MAML2: variants seen among roughly 807,000 people sequenced by gnomAD.
The protein encoded by MAML2 is mastermind-like protein 2.
MAML2 carries 22 observed loss-of-function variants against 96.1 expected under a neutral mutation model. That is an observed-to-expected ratio of 0.23 (90% CI 0.16 to 0.33). MAML2 has a LOEUF of 0.33. Ranked by LOEUF, MAML2 falls within the 10% of genes least tolerant of loss-of-function variation. The pLI, the probability that MAML2 is intolerant of heterozygous loss-of-function variation, is 1.00. For synonymous variants in MAML2, 561 were observed against 521.3 expected, an observed-to-expected ratio of 1.08 and a Z score of -1.04; for missense variants, 1,367 against 1,392.4, an observed-to-expected ratio of 0.98 and a Z score of 0.29.
At chr11:96,037,520 A>G (rs561694851) in intron 2 of MAML2, among the ~76,000 whole-genome samples, 1 of 152,310 alleles carries the variant, frequency 6.6e-6, no homozygotes, top group South Asian at 2.1e-4. Context: ...GTGACCATGG[A>G]AAACTAATAA....
intron 1 of MAML2, among the ~76,000 whole-genome samples, chr11:96,252,373 T>C (rs1862593361): frequency 6.6e-6 from 1 of 152,004 alleles, no homozygotes; most frequent in Non-Finnish European, 1.5e-5. Flanking sequence ...AGCAAACCCT[T>C]ATGTGATGTT....
chr11:96,266,271 T>C (rs1468005907), intron 1 of MAML2, among the ~76,000 whole-genome samples: 4 of 152,012 alleles, frequency 2.6e-5, no homozygotes, highest in South Asian at 2.1e-4. Context: ...GACGGCAGTC[T>C]TTGAAAAACA....
chr11:96,069,510 CA>C (rs1248382376), intron 2 of MAML2, among the ~76,000 whole-genome samples: 1 of 151,506 alleles, frequency 6.6e-6, no homozygotes, highest in Non-Finnish European at 1.5e-5. Context: ...CCCATCTCTA[CA>C]AAAAAAGTAC....
chr11:96,296,656 TTAAATAAA>T (rs548304251), intron 1 of MAML2, among the ~76,000 whole-genome samples: 1 of 151,564 alleles, frequency 6.6e-6, no homozygotes, highest in Non-Finnish European at 1.5e-5. Flanking sequence ...AAAAATAAAA[TTAAATAAA>T]TAAATAAATA....
intron 2 of MAML2, among the ~76,000 whole-genome samples, chr11:96,043,900 T>G (rs1858855093): frequency 6.6e-6 from 1 of 152,232 alleles, no homozygotes; most frequent in Admixed American, 6.5e-5. Context: ...GTTCCCTAAG[T>G]GCTGGTGGTA....
intron 1 of MAML2, among the ~76,000 whole-genome samples, chr11:96,334,118 G>A (rs758011537): frequency 4.6e-5 from 7 of 152,170 alleles, no homozygotes; most frequent in Non-Finnish European, 7.3e-5. Flanking sequence ...TCTATCCCAG[G>A]TGATGTCTCC....
chr11:96,340,757 A>G (rs905497614), intron 1 of MAML2, among the ~76,000 whole-genome samples: 19 of 152,124 alleles, frequency 1.2e-4, no homozygotes, highest in Non-Finnish European at 2.5e-4. Flanking sequence ...GAGAGTCTAG[A>G]GGGAATCAGA....
intron 1 of MAML2, among the ~76,000 whole-genome samples, chr11:96,149,472 C>T (rs574770119): frequency 6.3e-4 from 94 of 148,248 alleles, no homozygotes; most frequent in Non-Finnish European, 9.3e-4. Context: ...TGGCTCATGC[C>T]TGTAATCCCA....
At chr11:96,090,746 C>G (rs1741021317) in intron 2 of MAML2, among the ~76,000 whole-genome samples, 2 of 152,148 alleles carry the variant, frequency 1.3e-5, no homozygotes, top group Admixed American at 1.3e-4. Context: ...ACTTTTGAAT[C>G]CTCTTTGAGT....
chr11:96,086,725 A>C (rs1223718574), intron 2 of MAML2, among the ~76,000 whole-genome samples: 1 of 152,214 alleles, frequency 6.6e-6, no homozygotes, highest in Non-Finnish European at 1.5e-5. Flanking sequence ...ATATGTTTTT[A>C]AACAAGTGAA....
intron 1 of MAML2, among the ~76,000 whole-genome samples, chr11:96,198,020 CA>C (rs1861756558): frequency 6.6e-6 from 1 of 152,068 alleles, no homozygotes. Context: ...AACACCAGGT[CA>C]AGAGGAACTG....
chr11:96,265,710 T>C (rs1385149499), intron 1 of MAML2, among the ~76,000 whole-genome samples: 2 of 151,960 alleles, frequency 1.3e-5, no homozygotes, highest in Non-Finnish European at 2.9e-5. Context: ...AGACGTTGAG[T>C]GGAACTCACC....
intron 2 of MAML2, among the ~76,000 whole-genome samples, chr11:96,042,198 G>A (rs547090996): frequency 1.3e-5 from 2 of 152,214 alleles, no homozygotes; most frequent in South Asian, 2.1e-4. Flanking sequence ...GGATGGTCTC[G>A]ATCTCCTGAC....
chr11:96,045,884 C>T (rs1481209406), intron 2 of MAML2, among the ~76,000 whole-genome samples: 1 of 149,982 alleles, frequency 6.7e-6, no homozygotes, highest in Non-Finnish European at 1.5e-5. Context: ...TTATTTTTCT[C>T]CCAGTCAGCA....
At chr11:96,058,907 C>T (rs551822964) in intron 2 of MAML2, among the ~76,000 whole-genome samples, 1 of 152,124 alleles carries the variant, frequency 6.6e-6, no homozygotes, top group Non-Finnish European at 1.5e-5. Flanking sequence ...CATGGTAAAA[C>T]CCTGTCTCTA....
intron 1 of MAML2, among the ~76,000 whole-genome samples, chr11:96,199,624 T>C (rs1247404141): frequency 6.6e-6 from 1 of 152,096 alleles, no homozygotes; most frequent in African/African-American, 2.4e-5. Context: ...GGCGGTTCTA[T>C]TGTTTGGGGA....
rs79350305 is a variant in MAML2, at chr11:96,014,640, C to T, written c.2140-22917G>A. Among the ~76,000 whole-genome samples, 219 of 152,282 alleles carry T rather than the reference C, an allele frequency of 1.4e-3. 2 individuals are homozygous for T. Among genetic ancestry groups the T allele is most frequent in the African/African-American group, 5.1e-3 (212 of 41,546 alleles). ...CTGTGTTATCTCTGCAGTTAGGGTA[C>T]GTCAACTTCACCTCACACAAACATA... is the stretch of plus-strand genomic sequence containing the variant. On this transcript the variant is annotated intron_variant, in intron 2 of 4. Coordinates refer to ENST00000524717, the MANE Select transcript of MAML2 (RefSeq NM_032427.4).
intron 1 of MAML2, among the ~76,000 whole-genome samples, chr11:96,248,147 G>C (rs183584037): frequency 4.2e-4 from 51 of 122,162 alleles, no homozygotes; most frequent in African/African-American, 1.6e-3. Flanking sequence ...GTCTGGCTCT[G>C]TTGCCCAGGC....
intron 1 of MAML2, among the ~76,000 whole-genome samples, chr11:96,307,204 A>G (rs935125105): frequency 6.6e-6 from 1 of 152,220 alleles, no homozygotes; most frequent in Non-Finnish European, 1.5e-5. Flanking sequence ...CTTTTCTAAC[A>G]GCAAAGGATA....
Sources: gnomAD v4.1 joint callset for allele counts (sites outside exome capture counted in the v4.1 genomes callset) on GRCh38, gnomAD v4.1.1 for gene constraint, MANE v1.5 for transcripts, NCBI Gene and HGNC (gene_info 2026-07-23, HGNC 2026-07-21) for gene names.